Variants in RBFOX3 observed in about 807,000 individuals in gnomAD.
RBFOX3 encodes the protein RNA binding fox-1 homolog 3.
A neutral mutation model predicts 48.7 loss-of-function variants in RBFOX3; 17 were observed. That is an observed-to-expected ratio of 0.35 (90% CI 0.24 to 0.52). The LOEUF (loss-of-function observed/expected upper bound fraction) is 0.52. Ranked by LOEUF, RBFOX3 falls within the 20% of genes least tolerant of loss-of-function variation. The pLI, the probability that RBFOX3 is intolerant of heterozygous loss-of-function variation, is 0.94. For missense variants in RBFOX3, 382 were observed against 497.5 expected (o/e 0.77, Z 2.21); for synonymous variants, 212 against 209.5 (o/e 1.01, Z -0.10).
At position 79,244,699 on chromosome 17, in the gene RBFOX3, T is replaced by C. The variant is rs556269685; in HGVS notation, c.-73-8894A>G. On this transcript the variant is annotated intron_variant, in intron 3 of 14. Coordinates refer to ENST00000693108, the MANE Select transcript of RBFOX3 (RefSeq NM_001350451.2). ...TGTCACAGGTGCCCCTCCTAGAGCCTTCCCTTCCCTTCCCTTTTCTTTCCT... is the reference window on the plus strand; with the variant it reads ...TGTCACAGGTGCCCCTCCTAGAGCCCTCCCTTCCCTTCCCTTTTCTTTCCT... Among the ~76,000 whole-genome samples the C allele has an allele frequency of 2.7e-5, 4 of 150,870 alleles. No individual in the cohort carries two copies. The South Asian group carries it at 8.4e-4, about 32-fold the overall frequency.
chr17:79,626,868 T>C, the RBFOX3 span, among the ~76,000 whole-genome samples: 2 of 152,222 alleles, frequency 1.3e-5, no homozygotes, highest in African/African-American at 4.8e-5. Context: ...TGGTCACTTC[T>C]GAGAAAATTA....
intron 2 of RBFOX3, among the ~76,000 whole-genome samples, chr17:79,463,372 T>C (rs1162416862): frequency 2.4e-5 from 2 of 82,366 alleles, no homozygotes; most frequent in African/African-American, 1.0e-4. Context: ...CCACCGCCAG[T>C]GCCACCGCCA....
At chr17:79,493,331 A>T (rs4790055) in intron 1 of RBFOX3, among the ~76,000 whole-genome samples, 48,008 of 152,034 alleles carry the variant, frequency 0.32, 9,366 homozygotes, top group Non-Finnish European at 0.43. Flanking sequence ...AATGATTTCA[A>T]CACGAGAGTT....
chr17:79,203,835 G>T (rs76512047), intron 4 of RBFOX3, among the ~76,000 whole-genome samples: 64 of 152,186 alleles, frequency 4.2e-4, no homozygotes, highest in Non-Finnish European at 6.9e-4. Flanking sequence ...TATACCAATT[G>T]TACCAATTAC....
intron 4 of RBFOX3, among the ~76,000 whole-genome samples, chr17:79,181,032 T>C (rs577476154): frequency 6.6e-6 from 1 of 152,330 alleles, no homozygotes; most frequent in African/African-American, 2.4e-5. Context: ...TCACCCCAAC[T>C]ATGAGCGCTG....
chr17:79,225,479 C>T (rs137968544), intron 4 of RBFOX3, among the ~76,000 whole-genome samples: 15,351 of 152,020 alleles, frequency 0.1, 1,174 homozygotes, highest in African/African-American at 0.22. Flanking sequence ...TTAGTAGAGA[C>T]GGGATTTCAC....
the RBFOX3 span, among the ~76,000 whole-genome samples, chr17:79,642,999 G>A: frequency 1.3e-5 from 2 of 152,166 alleles, no homozygotes; most frequent in African/African-American, 2.4e-5. Flanking sequence ...CTACTCAGGA[G>A]GCTGAGCTGG....
intron 9 of RBFOX3, 65 bp from the exon 10 acceptor site, chr17:79,097,810 C>T: frequency 2.0e-6 from 3 of 1,495,284 alleles, no homozygotes; most frequent in Middle Eastern, 1.7e-4. Context: ...AAAACGTATG[C>T]CTGGGAACCC....
intron 2 of RBFOX3, among the ~76,000 whole-genome samples, chr17:79,332,800 C>G (rs935192079): frequency 2.2e-5 from 3 of 136,542 alleles, no homozygotes; most frequent in Non-Finnish European, 1.6e-5. Context: ...GAGACAGAGC[C>G]AGAGAGAAAA....
At chr17:79,118,623 G>A (rs1004415824) in intron 4 of RBFOX3, among the ~76,000 whole-genome samples, 19 of 152,054 alleles carry the variant, frequency 1.2e-4, no homozygotes, top group Admixed American at 1.1e-3. Flanking sequence ...AGCCTTCACC[G>A]CCTTGCACTG....
Position 79,484,525 on chromosome 17 carries a change from C to CCTGGGTGCAGGGGGG in RBFOX3, c.-319-1928_-319-1927insCCCCCCTGCACCCAG. Among the ~76,000 whole-genome samples, 3 of 36,438 alleles carry CCTGGGTGCAGGGGGG rather than the reference C, an allele frequency of 8.2e-5. 1 individual carries two copies. The highest frequency in any genetic ancestry group is 2.3e-4 in the African/African-American group (3 of 13,032). The allele number at this position is 36,438 out of a possible 152,430, so 23.9% of individuals were successfully genotyped here. On this transcript the variant is annotated intron_variant, in intron 1 of 14. Transcript: ENST00000693108. The stretch of plus-strand genomic sequence containing the variant: ...GTGCAGGGGGCCTGGGTGCAGGGGG[C>CCTGGGTGCAGGGGGG]CTGGGTGCAGGGGCCTGGGTGCAGG...
chr17:79,271,982 G>A (rs750375655), intron 3 of RBFOX3, among the ~76,000 whole-genome samples: 1 of 152,220 alleles, frequency 6.6e-6, no homozygotes, highest in Non-Finnish European at 1.5e-5. Context: ...GGCCCTTCCC[G>A]CGGAATATAT....
intron 2 of RBFOX3, among the ~76,000 whole-genome samples, chr17:79,431,470 C>A (rs574472090): frequency 6.7e-6 from 1 of 148,372 alleles, no homozygotes; most frequent in African/African-American, 2.5e-5. Context: ...CCCCCCACCC[C>A]CCACCATGCC....
intron 1 of RBFOX3, among the ~76,000 whole-genome samples, chr17:79,510,578 C>A (rs1018541611): frequency 6.6e-6 from 1 of 152,172 alleles, no homozygotes; most frequent in Non-Finnish European, 1.5e-5. Context: ...GCTGTAATTA[C>A]AGCAAGTGAT....
intron 2 of RBFOX3, among the ~76,000 whole-genome samples, chr17:79,329,053 G>C (rs1469880523): frequency 2.0e-5 from 3 of 152,066 alleles, no homozygotes; most frequent in Non-Finnish European, 4.4e-5. Flanking sequence ...TGGCCAGGAG[G>C]GACAGGGAGG....
Position 79,509,341 on chromosome 17 carries a change from C to T in RBFOX3, c.-319-26743G>A, listed in dbSNP as rs906368833. On this transcript the variant is annotated intron_variant, in intron 1 of 14. Transcript: ENST00000693108. ...CACAAACGGACAAGAAGAGAAGGGC[C>T]CTGGTCCTCCCCACACCCCCTCCAG... 4.0e-3 allele frequency among the ~76,000 whole-genome samples: 610 copies of T among 152,088 alleles called. 2 individuals are homozygous for T. Among genetic ancestry groups the T allele is most frequent in the Admixed American group, 3.9e-3 (60 of 15,276 alleles).
intron 1 of RBFOX3, among the ~76,000 whole-genome samples, chr17:79,490,611 G>T (rs1156826937): frequency 4.6e-5 from 7 of 152,046 alleles, no homozygotes; most frequent in Non-Finnish European, 1.0e-4. Flanking sequence ...CCAGTTTCTG[G>T]CCCTTCCAGA....
intron 3 of RBFOX3, among the ~76,000 whole-genome samples, chr17:79,244,887 C>T (rs7406058): frequency 7.0e-6 from 1 of 143,584 alleles, no homozygotes; most frequent in African/African-American, 2.6e-5. Flanking sequence ...CCTTCCCTCC[C>T]TCCATCCCTC....
intron 1 of RBFOX3, among the ~76,000 whole-genome samples, chr17:79,558,743 C>T (rs2091962053): frequency 6.6e-6 from 1 of 152,282 alleles, no homozygotes; most frequent in East Asian, 1.9e-4. Context: ...ACCCACAGTG[C>T]GCGGAGGCTG....
Sources: gnomAD v4.1 joint callset for allele counts (sites outside exome capture counted in the v4.1 genomes callset) on GRCh38, gnomAD v4.1.1 for gene constraint, MANE v1.5 for transcripts, NCBI Gene and HGNC (gene_info 2026-07-23, HGNC 2026-07-21) for gene names.